Variants in RPS6KA3 observed in about 807,000 individuals in gnomAD.
RPS6KA3 encodes the protein ribosomal protein S6 kinase A3.
In RPS6KA3, 4 loss-of-function variants were observed where a neutral mutation model predicts 67.2. The observed-to-expected ratio is 0.06, with a 90% CI of 0.03 to 0.14. The LOEUF (loss-of-function observed/expected upper bound fraction) is 0.14. RPS6KA3 is among the 10% of genes least tolerant of loss of function. The probability of loss-of-function intolerance (pLI) is 1.00; values close to 1 mark genes in which losing one functional copy is unlikely to be tolerated. For missense variants in RPS6KA3, 204 were observed against 559.0 expected (o/e 0.36, Z 6.40); for synonymous variants, 182 against 183.7 (o/e 0.99, Z 0.07).
rs369324389 is a variant in RPS6KA3, at chrX:20,172,099, C to G, written c.1353+647G>C. Among the ~76,000 whole-genome samples the G allele has an allele frequency of 1.2e-4, 14 of 112,019 alleles. No individual in the cohort carries two copies. In the East Asian group the frequency reaches 2.0e-3, roughly 16 times the overall value. ...TTATAAACCAGTCCTAAGGTTCAAA[C>G]AAGTTGAAAGCTTTAGACATTGTTT... On this transcript the variant is annotated intron_variant, in intron 15 of 21. Coordinates refer to ENST00000379565, the MANE Select transcript of RPS6KA3 (RefSeq NM_004586.3).
chrX:20,186,391 A>G (rs1286026363), intron 9 of RPS6KA3, 25 bp from the exon 10 acceptor site: 2 of 964,649 alleles, frequency 2.1e-6, no homozygotes, highest in Non-Finnish European at 3.0e-6. Flanking sequence ...AATAATCAGA[A>G]GTGTTAGTCA....
intron 2 of RPS6KA3, among the ~76,000 whole-genome samples, chrX:20,232,349 CA>C (rs2069290457): frequency 9.0e-6 from 1 of 111,462 alleles, no homozygotes; most frequent in Admixed American, 9.4e-5. Flanking sequence ...CCGAGGCGAG[CA>C]GATCACAAGA....
chrX:20,161,581 C>T, intron 20 of RPS6KA3, 63 bp downstream of exon 20: 1 of 514,759 alleles, frequency 1.9e-6, no homozygotes, highest in Non-Finnish European at 3.2e-6. Flanking sequence ...GGTAGTATTT[C>T]TTCTCACTAT....
At chrX:20,176,146 C>T (rs1051003808) in intron 13 of RPS6KA3, 104 bp downstream of exon 13, 1 of 557,370 alleles carries the variant, frequency 1.8e-6, no homozygotes, top group East Asian at 3.6e-5. Context: ...GCTGGGATTA[C>T]AAGTGTGAGC....
chrX:20,216,584 G>GC (rs1271098037), intron 2 of RPS6KA3, among the ~76,000 whole-genome samples: 9 of 107,452 alleles, frequency 8.4e-5, no homozygotes, highest in African/African-American at 3.1e-4. Flanking sequence ...GATATGGAAA[G>GC]GGGGGGGTTG....
rs909027290 is a variant in RPS6KA3, at chrX:20,152,102, C to G, written c.*3296G>C. 5 of 112,244 alleles carry G rather than the reference C, an allele frequency of 4.5e-5. No individual in the cohort carries two copies. The highest frequency in any genetic ancestry group is 6.5e-5 in the African/African-American group (2 of 30,781). The allele number at this position is 112,244 out of a possible 1,213,427, so 9.3% of individuals were successfully genotyped here. On this transcript the variant is annotated 3_prime_UTR_variant, in exon 22 of 22. Coordinates refer to ENST00000379565, the MANE Select transcript of RPS6KA3 (RefSeq NM_004586.3). Reference sequence around the variant, plus strand: ...CTCTACAGCATACACACCACAGCTTCTCTCCAGACAATCATAACTGACTTT... The same window carrying G: ...CTCTACAGCATACACACCACAGCTTGTCTCCAGACAATCATAACTGACTTT...
At position 20,204,125 on chromosome X, in the gene RPS6KA3, T is replaced by C. The variant is rs113604412; in HGVS notation, c.244-22A>G. 646 of 1,019,424 alleles carry C rather than the reference T, an allele frequency of 6.3e-4. 11 individuals carry two copies. The African/African-American group carries it at 9.4e-3, about 15-fold the overall frequency. 84.0% of individuals were successfully genotyped at this position (1,019,424 alleles called of 1,213,427 possible). ...AAACCTGCATTTAAGTAAGAGAAAATAAATATTACAAAGTAGTATAAACTA... is the reference window on the plus strand; with the variant it reads ...AAACCTGCATTTAAGTAAGAGAAAACAAATATTACAAAGTAGTATAAACTA... On this transcript the variant is annotated intron_variant, in intron 3 of 21. Transcript: ENST00000379565.
intron 1 of RPS6KA3, among the ~76,000 whole-genome samples, chrX:20,258,172 C>G (rs776392523): frequency 9.0e-6 from 1 of 111,716 alleles, no homozygotes; most frequent in East Asian, 2.8e-4. Context: ...TAGCCAATAG[C>G]CACTGGTGAC....
Position 20,266,697 on chromosome X carries a change from C to T in RPS6KA3, c.-65G>A. 6.0e-6 allele frequency: 5 copies of T among 832,661 alleles called. No individual in the cohort carries two copies. Among genetic ancestry groups the T allele is most frequent in the Non-Finnish European group, 7.6e-6 (5 of 660,610 alleles). 68.6% of individuals were successfully genotyped at this position (832,661 alleles called of 1,213,427 possible). A position where few individuals can be genotyped will look rare whatever the true frequency, so the allele number is the denominator to read the frequency against. On this transcript the variant is annotated 5_prime_UTR_variant, in exon 1 of 22. Coordinates refer to ENST00000379565, the MANE Select transcript of RPS6KA3 (RefSeq NM_004586.3). ...CCCGCCCGCCCCACGGCCGGCCCCG[C>T]TCCGTCGCCGCCCGAGCCCCACGGC...
chrX:20,238,835 T>C (rs1466629479), intron 1 of RPS6KA3, among the ~76,000 whole-genome samples: 1 of 111,287 alleles, frequency 9.0e-6, no homozygotes, highest in Non-Finnish European at 1.9e-5. Context: ...TATCACTTCA[T>C]CAAAACAAGG....
intron 14 of RPS6KA3, among the ~76,000 whole-genome samples, chrX:20,173,091 A>G (rs1243092653): frequency 8.9e-6 from 1 of 112,523 alleles, no homozygotes; most frequent in Non-Finnish European, 1.9e-5. Flanking sequence ...AGCTTATGTT[A>G]CAAACAAAAA....
At chrX:20,194,372 G>C (rs762213664) in intron 5 of RPS6KA3, 104 bp from the exon 6 acceptor site, 1 of 506,938 alleles carries the variant, frequency 2.0e-6, no homozygotes, top group South Asian at 3.0e-5. Context: ...TATATCAAAT[G>C]TCCAAACTTA....
intron 9 of RPS6KA3, among the ~76,000 whole-genome samples, chrX:20,187,572 C>G (rs2068018126): frequency 1.8e-5 from 2 of 111,813 alleles, no homozygotes; most frequent in South Asian, 7.4e-4. Context: ...GACCAAACAC[C>G]ATTAATGCTT....
intron 9 of RPS6KA3, 26 bp downstream of exon 9, chrX:20,187,802 T>TA (rs771177026): frequency 3.4e-6 from 4 of 1,184,616 alleles, no homozygotes; most frequent in Middle Eastern, 2.3e-4. Flanking sequence ...CCTTCCCCTC[T>TA]AAAAAATCCC....
intron 2 of RPS6KA3, chrX:20,218,801 T>C (rs755995077): frequency 6.9e-6 from 8 of 1,165,127 alleles, no homozygotes; most frequent in South Asian, 1.8e-5. Context: ...AGAGCTTACC[T>C]GTATAGAGCG....
chrX:20,225,911 T>C (rs1360188689), intron 2 of RPS6KA3, among the ~76,000 whole-genome samples: 1 of 111,688 alleles, frequency 9.0e-6, no homozygotes, highest in African/African-American at 3.3e-5. Context: ...TGGGGCCGAG[T>C]ATGGTGGTTC....
chrX:20,188,898 A>G (rs1049160476), intron 7 of RPS6KA3, among the ~76,000 whole-genome samples: 15 of 112,556 alleles, frequency 1.3e-4, no homozygotes, highest in African/African-American at 4.5e-4. Flanking sequence ...ATTTAATTCA[A>G]AAACATCAGA....
Position 20,240,285 on chromosome X carries a change from CTTTTTTT to C in RPS6KA3, c.70-5478_70-5472del, listed in dbSNP as rs778713587. Among the ~76,000 whole-genome samples the C allele has an allele frequency of 4.0e-4, 22 of 54,364 alleles. No homozygotes were observed. The Admixed American group carries it at 4.4e-3, about 11-fold the overall frequency. The allele number at this position is 54,364 out of a possible 115,157, so 47.2% of individuals were successfully genotyped here. On this transcript the variant is annotated intron_variant, in intron 1 of 21. Transcript: ENST00000379565. ...GCTGTAGGAATGAACAAGGACCATA[CTTTTTTT>C]TTTTTTTTTTTTTTTTTTTTTACCA... is the stretch of plus-strand genomic sequence containing the variant.
intron 4 of RPS6KA3, among the ~76,000 whole-genome samples, chrX:20,201,976 CTTTTTTTTTTT>C (rs1282039865): frequency 1.2e-5 from 1 of 82,761 alleles, no homozygotes; most frequent in Admixed American, 1.4e-4. Context: ...TTTCTTTTTT[CTTTTTTTTTTT>C]TTTTTTTTTG....
Sources: gnomAD v4.1 joint callset for allele counts (sites outside exome capture counted in the v4.1 genomes callset) on GRCh38, gnomAD v4.1.1 for gene constraint, MANE v1.5 for transcripts, NCBI Gene and HGNC (gene_info 2026-07-23, HGNC 2026-07-21) for gene names.